The following SCAF11 variants were observed in gnomAD, a reference collection of about 807,000 sequenced individuals.
SCAF11 encodes the protein protein SCAF11.
SCAF11 carries 47 observed loss-of-function variants against 140.5 expected under a neutral mutation model. The observed-to-expected ratio is 0.33, with a 90% CI of 0.26 to 0.43. SCAF11 has a LOEUF of 0.43. Among genes scored for constraint, SCAF11 ranks in the 20% least tolerant of loss-of-function variants. The probability of loss-of-function intolerance (pLI) is 1.00; values close to 1 mark genes in which losing one functional copy is unlikely to be tolerated. For synonymous variants in SCAF11, 557 were observed against 579.4 expected, an observed-to-expected ratio of 0.96 and a Z score of 0.55; for missense variants, 1,645 against 1,705.1, an observed-to-expected ratio of 0.96 and a Z score of 0.62.
At chr12:45,933,779 T>C (rs928236425) in intron 8 of SCAF11, among the ~76,000 whole-genome samples, 1 of 152,122 alleles carries the variant, frequency 6.6e-6, no homozygotes, top group African/African-American at 2.4e-5. Flanking sequence ...AATCTTCAAA[T>C]TCCATAAATA....
chr12:45,933,327 C>T, intron 8 of SCAF11, 95 bp from the exon 9 acceptor site: 1 of 704,118 alleles, frequency 1.4e-6, no homozygotes, highest in South Asian at 2.0e-5. Flanking sequence ...GTTTTTGTAC[C>T]TGGCATTATG....
chr12:45,957,902 CTT>C (rs1177494902), intron 3 of SCAF11, among the ~76,000 whole-genome samples: 1 of 151,590 alleles, frequency 6.6e-6, no homozygotes, highest in Non-Finnish European at 1.5e-5. Context: ...TACTTTCTCT[CTT>C]TTTTTTGAGA....
At chr12:45,969,157 G>A (rs1946016764) in intron 1 of SCAF11, among the ~76,000 whole-genome samples, 1 of 152,190 alleles carries the variant, frequency 6.6e-6, no homozygotes, top group Non-Finnish European at 1.5e-5. Flanking sequence ...CTACTGTAGA[G>A]CACAACTGTT....
intron 3 of SCAF11, chr12:45,956,248 C>T (rs1945690164): frequency 2.9e-6 from 2 of 693,074 alleles, no homozygotes; most frequent in Non-Finnish European, 5.3e-6. Flanking sequence ...AATCTCAATA[C>T]CTATGTTTAT....
In SCAF11 at chr12:45,920,476, A is replaced by AT. The variant is rs890668608; in HGVS notation, c.*1571_*1572insA. ...TTTCCAGGTACTTGGTATGTACTGA[A>AT]AATTCTTACTGGAATCAGTTTATCA... On this transcript the variant is annotated 3_prime_UTR_variant, in exon 15 of 15. Transcript: ENST00000369367. The AT allele has an allele frequency of 1.9e-4, 29 of 152,640 alleles. No homozygotes were observed. The highest frequency in any genetic ancestry group is 6.7e-4 in the African/African-American group (28 of 41,566). 9.5% of individuals were successfully genotyped at this position (152,640 alleles called of 1,614,324 possible).
intron 3 of SCAF11, among the ~76,000 whole-genome samples, chr12:45,954,320 C>T (rs1373146564): frequency 6.6e-6 from 1 of 152,008 alleles, no homozygotes; most frequent in East Asian, 1.9e-4. Flanking sequence ...AGGCCTTTGC[C>T]TCCCAGACTG....
At chr12:45,956,199 G>C (rs755822272) in intron 3 of SCAF11, 6 of 715,576 alleles carry the variant, frequency 8.4e-6, no homozygotes, top group Admixed American at 4.0e-5. Context: ...TCCTCTTAGA[G>C]AGAGAGAAAC....
chr12:45,983,644 G>A lies in SCAF11; in HGVS notation c.-22+6709C>T, dbSNP rs957433358. Among the ~76,000 whole-genome samples, 3 of 151,742 alleles carry A rather than the reference G, an allele frequency of 2.0e-5. No individual in the cohort carries two copies. In the South Asian group the frequency reaches 6.3e-4, roughly 32 times the overall value. On this transcript the variant is annotated intron_variant, in intron 1 of 14. Coordinates refer to ENST00000369367, the MANE Select transcript of SCAF11 (RefSeq NM_004719.3). ...AAATGTTATTAAAAAATTAGGTGAG[G>A]AAATTGAGATACTGATTAGATCACC...
chr12:45,923,857 T>A (rs1379512897), intron 12 of SCAF11, among the ~76,000 whole-genome samples: 2 of 146,888 alleles, frequency 1.4e-5, no homozygotes, highest in South Asian at 2.1e-4. Flanking sequence ...AATTTTTGTA[T>A]TTTTTTTTTT....
At chr12:45,941,151 A>C (rs892446637) in intron 6 of SCAF11, among the ~76,000 whole-genome samples, 2 of 152,230 alleles carry the variant, frequency 1.3e-5, no homozygotes, top group Non-Finnish European at 2.9e-5. Context: ...CAAACTGTTC[A>C]CCATTAAAAT....
intron 3 of SCAF11, among the ~76,000 whole-genome samples, chr12:45,957,677 AT>A (rs1945723845): frequency 6.6e-6 from 1 of 152,198 alleles, no homozygotes; most frequent in Admixed American, 6.5e-5. Context: ...ATTTTTAAAA[AT>A]AATACTTAAA....
chr12:45,980,578 TAAC>T (rs1946327107), intron 1 of SCAF11, among the ~76,000 whole-genome samples: 1 of 152,162 alleles, frequency 6.6e-6, no homozygotes, highest in African/African-American at 2.4e-5. Context: ...CTTATGCTCT[TAAC>T]CATTGACACT....
intron 1 of SCAF11, among the ~76,000 whole-genome samples, chr12:45,976,477 T>C (rs967081125): frequency 1.6e-4 from 25 of 152,256 alleles, no homozygotes; most frequent in African/African-American, 5.1e-4. Context: ...ATGATAGACA[T>C]AGAGTTTGGT....
intron 1 of SCAF11, chr12:45,975,012 C>T (rs1439545692): frequency 6.6e-6 from 1 of 152,176 alleles, no homozygotes; most frequent in Non-Finnish European, 1.5e-5. Context: ...GTATTTCCAT[C>T]AGAGTTCTTG....
At chr12:45,965,196 AAGAT>A (rs1337389355) in intron 1 of SCAF11, among the ~76,000 whole-genome samples, 2 of 152,214 alleles carry the variant, frequency 1.3e-5, no homozygotes, top group Non-Finnish European at 2.9e-5. Flanking sequence ...TTTTTTAAAA[AAGAT>A]AGATACGCCA....
chr12:45,945,021 A>T (rs2136558581), intron 6 of SCAF11: 1 of 492,526 alleles, frequency 2.0e-6, no homozygotes. Context: ...TTTTCTCCCA[A>T]CACACGCACA....
chr12:45,957,469 T>G (rs1945717817), intron 3 of SCAF11, among the ~76,000 whole-genome samples: 1 of 152,192 alleles, frequency 6.6e-6, no homozygotes, highest in Admixed American at 6.5e-5. Context: ...TTGTTTGACT[T>G]CTTCAAGAAC....
intron 1 of SCAF11, among the ~76,000 whole-genome samples, chr12:45,981,724 G>T (rs1212354954): frequency 2.0e-5 from 3 of 152,124 alleles, no homozygotes; most frequent in South Asian, 2.1e-4. Flanking sequence ...GAGCCCAGGA[G>T]GTTAAGGTTG....
intron 14 of SCAF11, 121 bp from the exon 15 acceptor site, chr12:45,922,315 T>C: frequency 1.4e-6 from 2 of 1,459,528 alleles, no homozygotes; most frequent in South Asian, 1.3e-5. Context: ...TGTTTCATTA[T>C]CTCACACAAA....
Sources: allele counts gnomAD v4.1 joint callset (sites outside exome capture counted in the v4.1 genomes callset), GRCh38; gene constraint gnomAD v4.1.1; transcripts MANE v1.5; gene names NCBI Gene and HGNC (gene_info 2026-07-23, HGNC 2026-07-21).